SGCD: variants seen among roughly 807,000 people sequenced by gnomAD.
The protein encoded by SGCD is sarcoglycan delta, also known as delta-sarcoglycan.
Under a neutral mutation model 36.6 loss-of-function variants are expected in SGCD, and 18 were observed. The observed-to-expected ratio is 0.49, with a 90% CI of 0.34 to 0.73. SGCD has a LOEUF of 0.73. Ranked by LOEUF, SGCD falls within the 30% of genes least tolerant of loss-of-function variation. The pLI is 0.01. For missense variants in SGCD, 387 were observed against 346.7 expected (o/e 1.12, Z -0.92); for synonymous variants, 133 against 130.6 (o/e 1.02, Z -0.12).
intron 3 of SGCD, among the ~76,000 whole-genome samples, chr5:156,264,479 TAATATC>T (rs1765952053): frequency 6.6e-6 from 1 of 152,160 alleles, no homozygotes; most frequent in Admixed American, 6.6e-5. Flanking sequence ...ATATTTTAGT[TAATATC>T]AAAGTCATTG....
intron 4 of SGCD, among the ~76,000 whole-genome samples, chr5:156,552,984 T>G (rs983407837): frequency 1.3e-5 from 2 of 152,174 alleles, no homozygotes; most frequent in African/African-American, 4.8e-5. Flanking sequence ...GGCTCATGAT[T>G]CTGATGGTTG....
intron 3 of SGCD, among the ~76,000 whole-genome samples, chr5:156,242,425 G>A (rs1765327675): frequency 1.3e-5 from 2 of 152,180 alleles, no homozygotes; most frequent in Admixed American, 6.5e-5. Flanking sequence ...AGGTGGTGTA[G>A]ACATGAATCT....
intron 1 of SGCD, among the ~76,000 whole-genome samples, chr5:156,085,357 G>A (rs1304091146): frequency 6.6e-6 from 1 of 152,140 alleles, no homozygotes; most frequent in African/African-American, 2.4e-5. Flanking sequence ...CTGTCCTCGT[G>A]ATAGTGAGTT....
upstream of SGCD, among the ~76,000 whole-genome samples, chr5:155,869,667 A>G (rs1353008474): frequency 6.7e-6 from 1 of 149,992 alleles, no homozygotes; most frequent in Non-Finnish European, 1.5e-5. Flanking sequence ...TTTAAATTTC[A>G]CCTAGCCTCG....
chr5:156,695,508 GATGGATAGATAGATAGATA>G (rs1561861881), intron 7 of SGCD, among the ~76,000 whole-genome samples: 7,698 of 137,732 alleles, frequency 0.056, 322 homozygotes, highest in African/African-American at 0.14. Context: ...TAGATAGATA[GATGGATAGATAGATAGATA>G]GATAGATAGA....
At chr5:156,620,908 T>C (rs1762221325) in intron 6 of SGCD, among the ~76,000 whole-genome samples, 1 of 152,222 alleles carries the variant, frequency 6.6e-6, no homozygotes, top group African/African-American at 2.4e-5. Flanking sequence ...GGAATGGGAA[T>C]ATTTAATATT....
chr5:155,838,670 C>T, the SGCD span, among the ~76,000 whole-genome samples: 1 of 150,024 alleles, frequency 6.7e-6, no homozygotes, highest in Non-Finnish European at 1.5e-5. Flanking sequence ...CATAGGTGTA[C>T]AGTAGTTTTC....
chr5:156,349,527 A>G (rs1166850158), intron 3 of SGCD, among the ~76,000 whole-genome samples: 1 of 152,182 alleles, frequency 6.6e-6, no homozygotes, highest in East Asian at 1.9e-4. Flanking sequence ...AGAAATGCAA[A>G]TTAAAACCAC....
intron 1 of SGCD, among the ~76,000 whole-genome samples, chr5:155,950,359 C>G (rs1757525046): frequency 6.6e-6 from 1 of 152,142 alleles, no homozygotes. Context: ...CTGAGTCTCA[C>G]AATAATTGAA....
intron 1 of SGCD, among the ~76,000 whole-genome samples, chr5:155,870,802 G>A (rs1755616060): frequency 6.6e-6 from 1 of 151,996 alleles, no homozygotes; most frequent in Non-Finnish European, 1.5e-5. Flanking sequence ...ATGCTCTCAG[G>A]TTAACGTCTT....
intron 4 of SGCD, among the ~76,000 whole-genome samples, chr5:156,528,385 T>G (rs1246094537): frequency 6.6e-6 from 1 of 152,186 alleles, no homozygotes; most frequent in Non-Finnish European, 1.5e-5. Context: ...TTATTAGCAT[T>G]TATTAATACT....
chr5:156,713,582 G>C (rs1755096171), intron 7 of SGCD, among the ~76,000 whole-genome samples: 1 of 152,104 alleles, frequency 6.6e-6, no homozygotes, highest in Non-Finnish European at 1.5e-5. Context: ...CTTTTCCTGT[G>C]AGTTAATCTT....
At chr5:155,765,404 GGAAGGAAGT>G in the SGCD span, among the ~76,000 whole-genome samples, 5 of 135,012 alleles carry the variant, frequency 3.7e-5, no homozygotes, top group Non-Finnish European at 8.0e-5. Flanking sequence ...GGGAAGGAGG[GGAAGGAAGT>G]GAAGGAAGGG....
intron 3 of SGCD, among the ~76,000 whole-genome samples, chr5:156,245,377 G>T (rs1017923677): frequency 1.3e-5 from 2 of 152,070 alleles, no homozygotes; most frequent in Non-Finnish European, 2.9e-5. Flanking sequence ...AATGATGAAC[G>T]ATAGAATTTG....
At chr5:156,138,387 C>T (rs1295421760) in intron 3 of SGCD, among the ~76,000 whole-genome samples, 5 of 152,128 alleles carry the variant, frequency 3.3e-5, no homozygotes, top group African/African-American at 4.8e-5. Context: ...GGCAACAGAG[C>T]GAGACTTCAT....
chr5:155,981,129 G>T (rs1758221585), intron 1 of SGCD, among the ~76,000 whole-genome samples: 1 of 152,168 alleles, frequency 6.6e-6, no homozygotes, highest in Non-Finnish European at 1.5e-5. Context: ...TGAGATGAGG[G>T]CTGGGAAGAG....
intron 3 of SGCD, among the ~76,000 whole-genome samples, chr5:156,470,082 A>T (rs1433109154): frequency 2.0e-5 from 3 of 152,218 alleles, no homozygotes; most frequent in African/African-American, 7.2e-5. Flanking sequence ...TAGGTTGCTA[A>T]GGGCCTTGGG....
intron 1 of SGCD, among the ~76,000 whole-genome samples, chr5:156,054,283 T>TC (rs1344527687): frequency 2.1e-5 from 2 of 96,276 alleles, no homozygotes; most frequent in African/African-American, 7.1e-5. Flanking sequence ...GAACTTTCCT[T>TC]CTTTTTTTTT....
chr5:156,598,791 C>T (rs971516695), intron 6 of SGCD, among the ~76,000 whole-genome samples: 12 of 152,180 alleles, frequency 7.9e-5, no homozygotes, highest in African/African-American at 2.4e-4. Flanking sequence ...GATGGTATCA[C>T]TTCAGAACTT....
Sources: gnomAD v4.1 joint callset for allele counts (sites outside exome capture counted in the v4.1 genomes callset) on GRCh38, gnomAD v4.1.1 for gene constraint, MANE v1.5 for transcripts, NCBI Gene and HGNC (gene_info 2026-07-23, HGNC 2026-07-21) for gene names.